Variants in ALDH7A1 observed in about 807,000 individuals in gnomAD.
ALDH7A1 encodes alpha-aminoadipic semialdehyde dehydrogenase.
ALDH7A1 carries 63 observed loss-of-function variants against 79.9 expected under a neutral mutation model. The observed-to-expected ratio is 0.79, with a 90% CI of 0.64 to 0.97. The LOEUF is 0.97. Among genes scored for constraint, ALDH7A1 ranks in the 50% least tolerant of loss-of-function variants. ALDH7A1 has a pLI of 0.00. For missense variants in ALDH7A1, 627 were observed against 665.2 expected, an observed-to-expected ratio of 0.94 and a Z score of 0.63; for synonymous variants, 240 against 231.2, an observed-to-expected ratio of 1.04 and a Z score of -0.34.
In ALDH7A1 at chr5:126,595,205, C is replaced by T. The variant is rs768763698; in HGVS notation, c.-7G>A. On this transcript the variant is annotated 5_prime_UTR_variant, in exon 1 of 18. Transcript: ENST00000409134. ...CGCGAGGAAGGCGCCACATACTGAG[C>T]CCGGGACTCGGGATGAGCCCAAGGC... is the stretch of plus-strand genomic sequence containing the variant. 1 of 1,551,816 alleles carries T rather than the reference C, an allele frequency of 6.4e-7. No homozygotes were observed. The highest frequency in any genetic ancestry group is 1.2e-5 in the South Asian group (1 of 84,082).
intron 14 of ALDH7A1, among the ~76,000 whole-genome samples, chr5:126,551,469 C>T (rs1411535818): frequency 6.6e-6 from 1 of 151,900 alleles, no homozygotes; most frequent in African/African-American, 2.4e-5. Context: ...TTACAGGCGC[C>T]CAACACCACG....
chr5:126,549,073 CAAAAAAAAAAAAAA>C (rs58433570), intron 16 of ALDH7A1, among the ~76,000 whole-genome samples: 4 of 69,862 alleles, frequency 5.7e-5, no homozygotes, highest in Non-Finnish European at 5.2e-5. Context: ...GCCCCCAGCT[CAAAAAAAAAAAAAA>C]AAAAAAAAAA....
In ALDH7A1 at chr5:126,550,946, G is replaced by A. The variant is rs192753517; in HGVS notation, c.1318-653C>T. Among the ~76,000 whole-genome samples, 46 of 152,300 alleles carry A rather than the reference G, an allele frequency of 3.0e-4. 1 individual carries two copies. The East Asian group carries it at 4.4e-3, about 15-fold the overall frequency. ...ATATTTACTGGCGAGGCTAGGGCCC[G>A]TCTCAAGCTAGGGAATGAGATCTTC... is the stretch of plus-strand genomic sequence containing the variant. On this transcript the variant is annotated intron_variant, in intron 14 of 17. Coordinates refer to ENST00000409134, the MANE Select transcript of ALDH7A1 (RefSeq NM_001182.5).
At chr5:126,581,520 C>T (rs926268467) in intron 5 of ALDH7A1, 1 of 151,654 alleles carries the variant, frequency 6.6e-6, no homozygotes, top group Non-Finnish European at 1.5e-5. Context: ...ACAGTCCTAG[C>T]TGAGGTAGGA....
chr5:126,560,201 ATGGCTCATGCC>A (rs147317202), intron 10 of ALDH7A1, among the ~76,000 whole-genome samples: 30,842 of 152,042 alleles, frequency 0.2, 3,337 homozygotes, highest in African/African-American at 0.24. Context: ...GCCAGGCGTG[ATGGCTCATGCC>A]TGTAATCCCA....
rs532956497 is a variant in ALDH7A1 at position 126,543,580 on chromosome 5, A to G, written c.*1385T>C. The G allele has an allele frequency of 1.3e-5, 2 of 152,344 alleles. No homozygotes were observed. Among genetic ancestry groups the G allele is most frequent in the South Asian group, 4.1e-4 (2 of 4,822 alleles). The allele number at this position is 152,344 out of a possible 1,614,324, so 9.4% of individuals were successfully genotyped here. On this transcript the variant is annotated 3_prime_UTR_variant, in exon 18 of 18. Transcript: ENST00000409134. ...TTTCATTTGCTTACTTCTCTGGGCCATAATTCAACCCCAAATTATTTGCCA... is the reference window on the plus strand; with the variant it reads ...TTTCATTTGCTTACTTCTCTGGGCCGTAATTCAACCCCAAATTATTTGCCA...
At position 126,584,127 on chromosome 5, in the gene ALDH7A1, T is replaced by A. The variant is rs557223687; in HGVS notation, c.313-115A>T. Reference sequence around the variant, plus strand: ...TTACAATCATATCAAAGAAGACTTTTGATCACATCAAAACTGTGATATGGC... The same window carrying A: ...TTACAATCATATCAAAGAAGACTTTAGATCACATCAAAACTGTGATATGGC... On this transcript the variant is annotated intron_variant, in intron 3 of 17. Coordinates refer to ENST00000409134, the MANE Select transcript of ALDH7A1 (RefSeq NM_001182.5). 5.4e-6 allele frequency: 5 copies of A among 924,664 alleles called. No homozygotes were observed. The Admixed American group carries it at 9.7e-5, about 18-fold the overall frequency. The allele number at this position is 924,664 out of a possible 1,614,324, so 57.3% of individuals were successfully genotyped here. A position where few individuals can be genotyped will look rare whatever the true frequency, so the allele number is the denominator to read the frequency against.
chr5:126,590,265 C>T (rs542874211), intron 3 of ALDH7A1, among the ~76,000 whole-genome samples: 3 of 152,374 alleles, frequency 2.0e-5, no homozygotes, highest in Admixed American at 6.5e-5. Context: ...AGGAGCCCCT[C>T]TGCCTGGCCG....
At chr5:126,555,875 T>C (rs1750176766) in intron 12 of ALDH7A1, 56 bp downstream of exon 12, 5 of 1,393,236 alleles carry the variant, frequency 3.6e-6, no homozygotes, top group South Asian at 3.5e-5. Context: ...TCAGAAACAC[T>C]TGTTAACAAC....
rs769518060 is a variant in ALDH7A1 at position 126,592,725 on chromosome 5, C to A, written c.251G>T (p.Ser84Ile). ...TACAGTTTCTTCATAGTCTGCCACA[C>A]TGGCCTAAATTAAGAATTAGGGGGA... ...NEPIARVRQASVADYEETVKK... is the reference protein window; with the variant it reads ...NEPIARVRQAIVADYEETVKK... The change falls in exon 3 of 18, where the codon AGT becomes ATT. Residue 84 changes from serine (S) to isoleucine (I), a missense_variant. Ser to Ile is a moderately radical substitution (Grantham distance 142). Transcript: ENST00000409134. 12 of 1,613,832 alleles carry A rather than the reference C, an allele frequency of 7.4e-6. No homozygotes were observed. Among genetic ancestry groups the A allele is most frequent in the Non-Finnish European group, 1.0e-5 (12 of 1,179,862 alleles).
At position 126,577,143 on chromosome 5, in the gene ALDH7A1, A is replaced by G; in HGVS notation, c.586T>C (p.Phe196Leu). The stretch of plus-strand genomic sequence containing the variant: ...TTCCAACCATACACTGCCACAGGGA[A>G]ATTGAATGCCGTGATGATTCCAACC... ...GLVGIITAFN[F>L]PVAVYGWNNA... is the part of the protein sequence containing the mutation. The change falls in exon 6 of 18, where the codon TTC becomes CTC. Residue 196 changes from phenylalanine to leucine, a missense_variant. Phe to Leu is a conservative substitution (Grantham distance 22, BLOSUM62 0). Coordinates refer to ENST00000409134, the MANE Select transcript of ALDH7A1 (RefSeq NM_001182.5). The G allele has an allele frequency of 6.2e-7, 1 of 1,614,196 alleles. No individual in the cohort carries two copies. The highest frequency in any genetic ancestry group is 1.6e-4 in the Middle Eastern group (1 of 6,062).
chr5:126,573,326 C>T (rs956521437), intron 7 of ALDH7A1, among the ~76,000 whole-genome samples: 1 of 150,134 alleles, frequency 6.7e-6, no homozygotes, highest in African/African-American at 2.5e-5. Context: ...TTTGGGAGGC[C>T]GAGGCAGGCA....
At chr5:126,578,770 C>G (rs562432535) in intron 5 of ALDH7A1, among the ~76,000 whole-genome samples, 93 of 152,258 alleles carry the variant, frequency 6.1e-4, no homozygotes, top group African/African-American at 2.1e-3. Context: ...GGCAGCTGGA[C>G]AGTATAGAAC....
chr5:126,594,825 G>A (rs1170061304), intron 1 of ALDH7A1, among the ~76,000 whole-genome samples, 182 bp downstream of exon 1: 1 of 151,178 alleles, frequency 6.6e-6, no homozygotes, highest in Non-Finnish European at 1.5e-5. Context: ...AGCACACAAG[G>A]ACCTAAAATC....
At chr5:126,561,044 C>A (rs376998669) in intron 10 of ALDH7A1, 39 bp downstream of exon 10, 19 of 1,610,628 alleles carry the variant, frequency 1.2e-5, no homozygotes, top group Admixed American at 1.7e-5. Context: ...ACTGTGGAAA[C>A]TGAACAGAAA....
chr5:126,569,680 C>CA (rs1260163431), intron 8 of ALDH7A1: 2 of 152,128 alleles, frequency 1.3e-5, no homozygotes, highest in East Asian at 3.8e-4. Flanking sequence ...ACCTAGAATG[C>CA]AAGAATACAG....
chr5:126,557,125 G>T (rs1750221517), intron 11 of ALDH7A1, among the ~76,000 whole-genome samples: 2 of 152,190 alleles, frequency 1.3e-5, no homozygotes, highest in East Asian at 1.9e-4. Context: ...GGAGTGCATG[G>T]TTTTTTCTTA....
intron 9 of ALDH7A1, among the ~76,000 whole-genome samples, chr5:126,566,537 T>C (rs1750589646): frequency 1.3e-5 from 2 of 152,208 alleles, no homozygotes. Flanking sequence ...AAATGTTATC[T>C]TATGCTGGGG....
At position 126,542,090 on chromosome 5, in the gene ALDH7A1, A is replaced by G. The variant is rs1749616003; in HGVS notation, c.*2875T>C. ...AGAGGTTTCGTTTGGTTTTCTTTTAATTTCCTCCAAAACAATCATTGGCAG... is the reference window on the plus strand; with the variant it reads ...AGAGGTTTCGTTTGGTTTTCTTTTAGTTTCCTCCAAAACAATCATTGGCAG... On this transcript the variant is annotated 3_prime_UTR_variant, in exon 18 of 18. Coordinates refer to ENST00000409134, the MANE Select transcript of ALDH7A1 (RefSeq NM_001182.5). The G allele has an allele frequency of 6.8e-6, 1 of 147,126 alleles. No individual in the cohort carries two copies. Among genetic ancestry groups the G allele is most frequent in the African/African-American group, 2.5e-5 (1 of 40,030 alleles). 9.1% of individuals were successfully genotyped at this position (147,126 alleles called of 1,614,324 possible). A position where few individuals can be genotyped will look rare whatever the true frequency, so the allele number is the denominator to read the frequency against.
Sources: allele counts gnomAD v4.1 joint callset (sites outside exome capture counted in the v4.1 genomes callset), GRCh38; gene constraint gnomAD v4.1.1; transcripts MANE v1.5; gene names NCBI Gene and HGNC (gene_info 2026-07-23, HGNC 2026-07-21).